RAPGEF5: variants seen among roughly 807,000 people sequenced by gnomAD.
The protein encoded by RAPGEF5 is M-Ras-regulated GEF.
In RAPGEF5, 65 loss-of-function variants were observed where a neutral mutation model predicts 125.2. That is an observed-to-expected ratio of 0.52 (90% CI 0.43 to 0.64). The LOEUF (loss-of-function observed/expected upper bound fraction) is 0.64, where lower values mean the gene tolerates loss of function less well. Among genes scored for constraint, RAPGEF5 ranks in the 30% least tolerant of loss-of-function variants. The probability of loss-of-function intolerance (pLI) is 0.00; values close to 1 mark genes in which losing one functional copy is unlikely to be tolerated. For synonymous variants in RAPGEF5, 391 were observed against 385.9 expected (o/e 1.01, Z -0.16); for missense variants, 958 against 1,048.1 (o/e 0.91, Z 1.19).
chr7:22,156,711 G>A (rs1783819593), intron 16 of RAPGEF5, 99 bp downstream of exon 16: 3 of 1,567,450 alleles, frequency 1.9e-6, no homozygotes, highest in Non-Finnish European at 2.6e-6. Flanking sequence ...AGGGGTGACA[G>A]CTGGAAATGA....
At chr7:22,142,565 A>G (rs1783298116) in intron 20 of RAPGEF5, among the ~76,000 whole-genome samples, 1 of 152,124 alleles carries the variant, frequency 6.6e-6, no homozygotes, top group South Asian at 2.1e-4. Context: ...ATCTGTTAAG[A>G]AAAAAAAGGA....
intron 5 of RAPGEF5, among the ~76,000 whole-genome samples, chr7:22,305,591 C>A (rs182021743): frequency 6.6e-6 from 1 of 152,210 alleles, no homozygotes; most frequent in East Asian, 1.9e-4. Context: ...TTTTAAAATG[C>A]ACAATTAGGT....
At chr7:22,161,089 TC>T (rs1257809094) in intron 13 of RAPGEF5, among the ~76,000 whole-genome samples, 4 of 150,180 alleles carry the variant, frequency 2.7e-5, no homozygotes, top group African/African-American at 7.4e-5. Context: ...GCGCCTGTAA[TC>T]CCCAGCTACT....
intron 17 of RAPGEF5, among the ~76,000 whole-genome samples, chr7:22,153,229 T>C (rs1053930769): frequency 4.6e-5 from 7 of 152,212 alleles, no homozygotes; most frequent in African/African-American, 1.7e-4. Flanking sequence ...GGTGGATGCT[T>C]AAGCTTAATA....
At chr7:22,329,870 T>C (rs1457967547) in intron 1 of RAPGEF5, among the ~76,000 whole-genome samples, 1 of 152,052 alleles carries the variant, frequency 6.6e-6, no homozygotes, top group Non-Finnish European at 1.5e-5. Flanking sequence ...TCTTAGACTG[T>C]CTCTGTCTCC....
At chr7:22,190,971 T>C (rs1321872420) in intron 11 of RAPGEF5, among the ~76,000 whole-genome samples, 1 of 152,168 alleles carries the variant, frequency 6.6e-6, no homozygotes, top group Admixed American at 6.5e-5. Context: ...AACATAAAAA[T>C]GCTGCTGTGT....
intron 24 of RAPGEF5, among the ~76,000 whole-genome samples, chr7:22,130,088 C>G (rs1782868139): frequency 6.6e-6 from 1 of 152,168 alleles, no homozygotes; most frequent in Non-Finnish European, 1.5e-5. Flanking sequence ...TCAGTTTCTG[C>G]AAGAGTTCAC....
At chr7:22,274,055 T>C (rs1027177176) in intron 6 of RAPGEF5, among the ~76,000 whole-genome samples, 1 of 152,166 alleles carries the variant, frequency 6.6e-6, no homozygotes, top group Non-Finnish European at 1.5e-5. Context: ...TGGGATTCCA[T>C]GGCATCCCAT....
chr7:22,221,906 T>C (rs17146449), intron 8 of RAPGEF5, among the ~76,000 whole-genome samples: 25,122 of 152,084 alleles, frequency 0.17, 2,167 homozygotes, highest in Admixed American at 0.21. Flanking sequence ...TTTATTTGAG[T>C]AAGAACCTAC....
chr7:22,180,921 T>A (rs954826207), intron 11 of RAPGEF5, among the ~76,000 whole-genome samples: 5 of 152,184 alleles, frequency 3.3e-5, no homozygotes, highest in African/African-American at 1.2e-4. Flanking sequence ...CAGTGCAAAT[T>A]GTCATAATAA....
intron 11 of RAPGEF5, among the ~76,000 whole-genome samples, chr7:22,183,912 A>G (rs797007375): frequency 5.8e-4 from 88 of 152,334 alleles, no homozygotes; most frequent in African/African-American, 2.0e-3. Context: ...GAAGCTAAGG[A>G]TCTAATTTCT....
chr7:22,196,230 C>T (rs574775676), intron 9 of RAPGEF5, among the ~76,000 whole-genome samples: 15 of 152,294 alleles, frequency 9.8e-5, no homozygotes, highest in African/African-American at 3.6e-4. Context: ...CGAATTACAT[C>T]TGGCTCTCAA....
chr7:22,323,298 G>C (rs948826520), intron 1 of RAPGEF5, among the ~76,000 whole-genome samples: 1 of 152,202 alleles, frequency 6.6e-6, no homozygotes, highest in Non-Finnish European at 1.5e-5. Context: ...AAGCTAAGTA[G>C]AAAATGAAAG....
At chr7:22,269,793 C>T (rs1175177647) in intron 6 of RAPGEF5, among the ~76,000 whole-genome samples, 1 of 152,152 alleles carries the variant, frequency 6.6e-6, no homozygotes, top group Non-Finnish European at 1.5e-5. Context: ...GCCAGTTGAG[C>T]CTTCAAATAA....
intron 21 of RAPGEF5, 105 bp downstream of exon 21, chr7:22,139,920 T>G: frequency 1.0e-6 from 1 of 993,248 alleles, no homozygotes; most frequent in East Asian, 2.7e-5. Flanking sequence ...CCTTGACATA[T>G]GACTTTCAAA....
At chr7:22,340,752 G>A (rs1040226739) in intron 1 of RAPGEF5, among the ~76,000 whole-genome samples, 1 of 152,182 alleles carries the variant, frequency 6.6e-6, no homozygotes, top group Non-Finnish European at 1.5e-5. Context: ...CCCCCTAAGA[G>A]GTGATGCACA....
At chr7:22,298,156 ATGAGT>A (rs1783109007) in intron 5 of RAPGEF5, among the ~76,000 whole-genome samples, 1 of 150,380 alleles carries the variant, frequency 6.6e-6, no homozygotes, top group Non-Finnish European at 1.5e-5. Context: ...GTCTATGCTA[ATGAGT>A]CATATTGTTC....
intron 7 of RAPGEF5, among the ~76,000 whole-genome samples, chr7:22,264,988 C>T (rs1287584594): frequency 6.6e-6 from 1 of 151,928 alleles, no homozygotes; most frequent in Non-Finnish European, 1.5e-5. Flanking sequence ...TTTAGAGTTA[C>T]TTTTTTGATA....
intron 7 of RAPGEF5, among the ~76,000 whole-genome samples, chr7:22,257,930 A>G (rs910080028): frequency 6.6e-6 from 1 of 152,234 alleles, no homozygotes. Context: ...ATTCAAACTT[A>G]TACTGCAAGG....
Sources: gnomAD v4.1 joint callset for allele counts (sites outside exome capture counted in the v4.1 genomes callset) on GRCh38, gnomAD v4.1.1 for gene constraint, MANE v1.5 for transcripts, NCBI Gene and HGNC (gene_info 2026-07-23, HGNC 2026-07-21) for gene names.